FSIP1: variants seen among roughly 807,000 people sequenced by gnomAD.
The protein encoded by FSIP1 is fibrous sheath interacting protein 1.
In FSIP1, 65 loss-of-function variants were observed where a neutral mutation model predicts 60.9. The ratio of observed to expected loss-of-function variants is 1.07; its 90% confidence interval spans 0.87 to 1.31. The LOEUF (loss-of-function observed/expected upper bound fraction) is 1.31, where lower values mean the gene tolerates loss of function less well. FSIP1 is among the 40% of genes most tolerant of loss of function. The probability of loss-of-function intolerance (pLI) is 0.00; values close to 1 mark genes in which losing one functional copy is unlikely to be tolerated. For synonymous variants in FSIP1, 209 were observed against 221.2 expected (o/e 0.94, Z 0.49); for missense variants, 675 against 665.5 (o/e 1.01, Z -0.16).
intron 5 of FSIP1, among the ~76,000 whole-genome samples, chr15:39,744,469 G>T (rs914084292): frequency 1.1e-4 from 17 of 152,130 alleles, no homozygotes; most frequent in African/African-American, 4.1e-4. Flanking sequence ...CCAGCAGAGG[G>T]GATGAGTTTA....
Position 39,713,517 on chromosome 15 carries a change from GT to G in FSIP1, c.1114del (p.Thr372ProfsTer11). The G allele has an allele frequency of 6.2e-7, 1 of 1,609,034 alleles. No homozygotes were observed. Among genetic ancestry groups the G allele is most frequent in the Non-Finnish European group, 8.5e-7 (1 of 1,177,680 alleles). ...ATTATGCAGATCGCGTTGCTCTTTGGTGTTCCTAAGTATCTTTTCTCCTGGA... is the reference window on the plus strand; with the variant it reads ...ATTATGCAGATCGCGTTGCTCTTTGGGTTCCTAAGTATCTTTTCTCCTGGA... ...VTPGEKILRN[T>X]KEQRDLHNRL... is the part of the protein sequence containing the mutation. On this transcript the variant is annotated frameshift_variant, in exon 10 of 12. Transcript: ENST00000350221. LOFTEE classifies it high-confidence loss of function.
At chr15:39,727,819 T>A (rs1416280979) in intron 8 of FSIP1, among the ~76,000 whole-genome samples, 3 of 152,098 alleles carry the variant, frequency 2.0e-5, no homozygotes, top group Non-Finnish European at 2.9e-5. Context: ...ATAAAAGGCA[T>A]TCAAATAGGA....
At chr15:39,721,542 G>A (rs1895980415) in intron 9 of FSIP1, among the ~76,000 whole-genome samples, 1 of 152,128 alleles carries the variant, frequency 6.6e-6, no homozygotes, top group Admixed American at 6.6e-5. Flanking sequence ...CTACCTTGAG[G>A]TCAGAGATCA....
chr15:39,722,247 C>T (rs1452000262), intron 9 of FSIP1, among the ~76,000 whole-genome samples: 3 of 151,872 alleles, frequency 2.0e-5, no homozygotes, highest in Non-Finnish European at 4.4e-5. Flanking sequence ...CTCCCATTAC[C>T]CCCGGATGGA....
chr15:39,608,606 C>T (rs1890912001), intron 11 of FSIP1, among the ~76,000 whole-genome samples: 1 of 152,144 alleles, frequency 6.6e-6, no homozygotes, highest in South Asian at 2.1e-4. Flanking sequence ...TTTCACAGTT[C>T]ATTTATTAAA....
chr15:39,667,741 C>A (rs1056555313), intron 10 of FSIP1, among the ~76,000 whole-genome samples: 2 of 152,026 alleles, frequency 1.3e-5, no homozygotes, highest in African/African-American at 4.8e-5. Context: ...AATGTTTACA[C>A]CAAGTGGAAG....
intron 10 of FSIP1, among the ~76,000 whole-genome samples, chr15:39,697,285 G>C (rs2631693): frequency 0.81 from 123,353 of 152,108 alleles, 50,513 homozygotes; most frequent in Non-Finnish European, 0.87. Context: ...AAAACTTGCT[G>C]TGTGTCCACA....
chr15:39,711,915 G>T (rs1895531685), intron 10 of FSIP1, among the ~76,000 whole-genome samples: 1 of 151,806 alleles, frequency 6.6e-6, no homozygotes, highest in Non-Finnish European at 1.5e-5. Flanking sequence ...ACGAACTCCT[G>T]AGCTCAGGCA....
intron 5 of FSIP1, among the ~76,000 whole-genome samples, chr15:39,751,197 G>A (rs922709389): frequency 6.6e-6 from 1 of 151,880 alleles, no homozygotes; most frequent in Non-Finnish European, 1.5e-5. Flanking sequence ...AGCCATTATG[G>A]AAACCAATAT....
chr15:39,748,097 TC>T (rs1897053699), intron 5 of FSIP1, among the ~76,000 whole-genome samples: 1 of 152,182 alleles, frequency 6.6e-6, no homozygotes, highest in Non-Finnish European at 1.5e-5. Context: ...TGTAATCCTT[TC>T]TCATCTTAAT....
At chr15:39,599,112 ACGGGGTTTCACCTTGTTC>A (rs1325419873), downstream of FSIP1, 1 of 152,106 alleles carries the variant, frequency 6.6e-6, no homozygotes, top group Non-Finnish European at 1.5e-5. Flanking sequence ...TTTAGTAAAG[ACGGGGTTTCACCTTGTTC>A]CGGACAAACA....
intron 10 of FSIP1, among the ~76,000 whole-genome samples, chr15:39,652,645 AATCTT>A (rs1436232988): frequency 6.6e-6 from 1 of 152,216 alleles, no homozygotes; most frequent in Non-Finnish European, 1.5e-5. Context: ...AACACAAAGT[AATCTT>A]ATCTGTGACA....
At chr15:39,755,034 G>T (rs1008202863) in intron 5 of FSIP1, among the ~76,000 whole-genome samples, 12 of 151,966 alleles carry the variant, frequency 7.9e-5, no homozygotes, top group African/African-American at 2.9e-4. Context: ...GGAGAAGAGG[G>T]AAACTGAGTG....
chr15:39,613,572 T>C (rs1041525096), intron 11 of FSIP1, among the ~76,000 whole-genome samples: 2 of 151,978 alleles, frequency 1.3e-5, no homozygotes, highest in African/African-American at 4.8e-5. Context: ...TCCAAAAAAC[T>C]GAAGTGGAAG....
chr15:39,720,112 G>C (rs1895895879), intron 9 of FSIP1, among the ~76,000 whole-genome samples: 1 of 152,148 alleles, frequency 6.6e-6, no homozygotes, highest in Non-Finnish European at 1.5e-5. Flanking sequence ...GTCAAGTAGA[G>C]TCCATGGCCC....
At chr15:39,646,599 A>G (rs1566867351) in intron 10 of FSIP1, among the ~76,000 whole-genome samples, 1 of 147,208 alleles carries the variant, frequency 6.8e-6, no homozygotes, top group Non-Finnish European at 1.5e-5. Flanking sequence ...GGAGACTGAG[A>G]TGGGAGGAGT....
At chr15:39,722,883 T>C (rs970763230) in intron 9 of FSIP1, among the ~76,000 whole-genome samples, 3 of 152,108 alleles carry the variant, frequency 2.0e-5, no homozygotes, top group Admixed American at 6.5e-5. Context: ...CAAGCCATGA[T>C]TGCACCACTG....
chr15:39,618,391 C>CA (rs1382900138), intron 10 of FSIP1, 146 bp from the exon 11 acceptor site: 1 of 683,766 alleles, frequency 1.5e-6, no homozygotes, highest in African/African-American at 1.8e-5. Context: ...GTAAAGTATC[C>CA]AAAACTGTAG....
chr15:39,710,466 A>G (rs972160805), intron 10 of FSIP1, among the ~76,000 whole-genome samples: 5 of 152,024 alleles, frequency 3.3e-5, no homozygotes, highest in Non-Finnish European at 7.4e-5. Flanking sequence ...AAAAAACATA[A>G]AACAGTACAG....
Sources: gnomAD v4.1 joint callset for allele counts (sites outside exome capture counted in the v4.1 genomes callset) on GRCh38, gnomAD v4.1.1 for gene constraint, MANE v1.5 for transcripts, NCBI Gene and HGNC (gene_info 2026-07-23, HGNC 2026-07-21) for gene names.